UNC13C: variants seen among roughly 807,000 people sequenced by gnomAD.
UNC13C encodes unc-13 homolog C.
In UNC13C, 174 loss-of-function variants were observed where a neutral mutation model predicts 245.4. The ratio of observed to expected loss-of-function variants is 0.71; its 90% confidence interval spans 0.63 to 0.80. UNC13C has a LOEUF of 0.80. UNC13C is among the 30% of genes least tolerant of loss of function. The probability of loss-of-function intolerance (pLI) is 0.00; values close to 1 mark genes in which losing one functional copy is unlikely to be tolerated. For missense variants in UNC13C, 2,829 were observed against 2,602.9 expected, an observed-to-expected ratio of 1.09 and a Z score of -1.89; for synonymous variants, 992 against 895.1, an observed-to-expected ratio of 1.11 and a Z score of -1.93.
chr15:54,262,679 T>G (rs537206885), intron 8 of UNC13C, among the ~76,000 whole-genome samples: 23 of 152,342 alleles, frequency 1.5e-4, no homozygotes, highest in South Asian at 6.2e-4. Context: ...TTCTTTTTTT[T>G]GTCTTCCTTT....
chr15:54,219,377 G>A (rs944411623), intron 4 of UNC13C, among the ~76,000 whole-genome samples: 1 of 152,114 alleles, frequency 6.6e-6, no homozygotes, highest in African/African-American at 2.4e-5. Context: ...AAATGGTGCT[G>A]GGAAAACTGG....
intron 2 of UNC13C, among the ~76,000 whole-genome samples, chr15:54,125,456 C>T (rs903483096): frequency 3.3e-5 from 5 of 152,110 alleles, no homozygotes; most frequent in African/African-American, 1.2e-4. Flanking sequence ...GTGTGAGATT[C>T]CATCTAAAAA....
chr15:54,038,124 A>AAATTTTTTTTTTTTTTTTTTT (rs1555406259), intron 2 of UNC13C, among the ~76,000 whole-genome samples: 3 of 45,038 alleles, frequency 6.7e-5, no homozygotes, highest in African/African-American at 3.2e-4. Context: ...ATATATATAT[A>AAATTTTTTTTTTTTTTTTTTT]TTTTTTTTTT....
chr15:54,587,211 T>C (rs1379265431), intron 30 of UNC13C, among the ~76,000 whole-genome samples: 1 of 152,156 alleles, frequency 6.6e-6, no homozygotes, highest in Non-Finnish European at 1.5e-5. Context: ...TATGAAATTA[T>C]TAGGTTTCAA....
chr15:54,483,095 C>T (rs555697375), intron 19 of UNC13C, among the ~76,000 whole-genome samples: 3 of 152,110 alleles, frequency 2.0e-5, no homozygotes, highest in Admixed American at 2.0e-4. Flanking sequence ...GCTGCAACTC[C>T]GTCATAATTT....
intron 17 of UNC13C, among the ~76,000 whole-genome samples, chr15:54,353,104 G>A (rs2039020444): frequency 6.6e-6 from 1 of 152,064 alleles, no homozygotes; most frequent in African/African-American, 2.4e-5. Context: ...AATAAAATTT[G>A]TTGACTTCTT....
At chr15:54,261,770 C>G (rs1002327686) in intron 8 of UNC13C, among the ~76,000 whole-genome samples, 2 of 152,162 alleles carry the variant, frequency 1.3e-5, no homozygotes, top group African/African-American at 4.8e-5. Flanking sequence ...GTCACAATCT[C>G]CTGACCTTGT....
chr15:54,392,627 A>T (rs1314690402), intron 17 of UNC13C, among the ~76,000 whole-genome samples: 1 of 151,896 alleles, frequency 6.6e-6, no homozygotes, highest in Non-Finnish European at 1.5e-5. Context: ...GATAAATTTT[A>T]TGCATACACA....
chr15:53,905,652 T>A, the UNC13C span, among the ~76,000 whole-genome samples: 1 of 151,860 alleles, frequency 6.6e-6, no homozygotes, highest in East Asian at 1.9e-4. Context: ...GGTCAAAGAG[T>A]ACAAAAAGTT....
At chr15:54,350,633 T>G (rs538292915) in intron 17 of UNC13C, among the ~76,000 whole-genome samples, 1 of 152,212 alleles carries the variant, frequency 6.6e-6, no homozygotes, top group African/African-American at 2.4e-5. Context: ...TCAATTGATA[T>G]GAATTTAGCA....
At chr15:54,045,839 T>C (rs1406609221) in intron 2 of UNC13C, among the ~76,000 whole-genome samples, 1 of 152,236 alleles carries the variant, frequency 6.6e-6, no homozygotes, top group Non-Finnish European at 1.5e-5. Context: ...ATAATTACCA[T>C]CAAGTTTGCA....
intron 4 of UNC13C, among the ~76,000 whole-genome samples, chr15:54,178,271 G>T (rs2033682069): frequency 6.6e-6 from 1 of 151,722 alleles, no homozygotes; most frequent in South Asian, 2.1e-4. Flanking sequence ...TAAAAAGAGG[G>T]ATTCCTCCCT....
intron 26 of UNC13C, among the ~76,000 whole-genome samples, chr15:54,544,690 A>G (rs1207316929): frequency 6.6e-6 from 1 of 152,204 alleles, no homozygotes; most frequent in African/African-American, 2.4e-5. Flanking sequence ...GTGAACTCCC[A>G]TTCACAATTG....
intron 2 of UNC13C, among the ~76,000 whole-genome samples, chr15:54,087,021 A>G (rs1436482959): frequency 6.6e-6 from 1 of 152,068 alleles, no homozygotes; most frequent in Non-Finnish European, 1.5e-5. Context: ...GACGTGAGCC[A>G]CTGCACCTGG....
At chr15:54,553,045 GTATTCTA>G (rs1896907445) in intron 28 of UNC13C, among the ~76,000 whole-genome samples, 1 of 28,836 alleles carries the variant, frequency 3.5e-5, no homozygotes, top group East Asian at 8.9e-4. Context: ...AATATATATT[GTATTCTA>G]TATTACAATA....
intron 17 of UNC13C, among the ~76,000 whole-genome samples, chr15:54,363,867 A>G (rs1284147901): frequency 6.6e-6 from 1 of 152,234 alleles, no homozygotes. Context: ...AAGGATTTCC[A>G]TTTTAAAGGT....
At chr15:54,596,006 A>G (rs1158270947) in intron 30 of UNC13C, among the ~76,000 whole-genome samples, 1 of 152,202 alleles carries the variant, frequency 6.6e-6, no homozygotes, top group African/African-American at 2.4e-5. Flanking sequence ...AAGAAAAAAA[A>G]AAGTCTTCAA....
At chr15:54,282,553 G>C (rs1047975647) in intron 10 of UNC13C, among the ~76,000 whole-genome samples, 3 of 152,174 alleles carry the variant, frequency 2.0e-5, no homozygotes, top group African/African-American at 7.2e-5. Flanking sequence ...AAACCCCAGA[G>C]GGGGTGTTAC....
At chr15:54,115,536 G>A (rs144601166) in intron 2 of UNC13C, among the ~76,000 whole-genome samples, 1 of 151,590 alleles carries the variant, frequency 6.6e-6, no homozygotes, top group Non-Finnish European at 1.5e-5. Flanking sequence ...ATATTTTGGG[G>A]GTACATGTAA....
Sources: allele counts gnomAD v4.1 joint callset (sites outside exome capture counted in the v4.1 genomes callset), GRCh38; gene constraint gnomAD v4.1.1; transcripts MANE v1.5; gene names NCBI Gene and HGNC (gene_info 2026-07-23, HGNC 2026-07-21).